Variants in NCKAP5 observed in about 807,000 individuals in gnomAD.
NCKAP5 encodes nck-associated protein 5.
Under a neutral mutation model 167.0 loss-of-function variants are expected in NCKAP5, and 92 were observed. The observed-to-expected ratio is 0.55, with a 90% CI of 0.47 to 0.66. The LOEUF (loss-of-function observed/expected upper bound fraction) is 0.66, where lower values mean the gene tolerates loss of function less well. Among genes scored for constraint, NCKAP5 ranks in the 30% least tolerant of loss-of-function variants. NCKAP5 has a pLI of 0.00. For missense variants in NCKAP5, 2,378 were observed against 2,315.0 expected (o/e 1.03, Z -0.56); for synonymous variants, 891 against 877.4 (o/e 1.02, Z -0.27).
chr2:132,920,659 T>TTATA (rs371454572), intron 8 of NCKAP5, among the ~76,000 whole-genome samples: 4,678 of 81,862 alleles, frequency 0.057, 400 homozygotes, highest in Admixed American at 0.094. Flanking sequence ...ATGGAAGAAC[T>TTATA]TATATATATA....
intron 6 of NCKAP5, among the ~76,000 whole-genome samples, chr2:133,012,829 AC>A (rs1280743673): frequency 6.6e-6 from 1 of 151,590 alleles, no homozygotes; most frequent in Non-Finnish European, 1.5e-5. Flanking sequence ...AGATTTCCAA[AC>A]CTAAATCTCC....
chr2:132,698,678 C>CA (rs1224487720), intron 19 of NCKAP5, among the ~76,000 whole-genome samples: 1 of 151,956 alleles, frequency 6.6e-6, no homozygotes, highest in African/African-American at 2.4e-5. Context: ...ACTAAAAATA[C>CA]AAAAAATTAG....
intron 3 of NCKAP5, among the ~76,000 whole-genome samples, chr2:133,378,136 C>T (rs977374308): frequency 5.9e-5 from 9 of 152,080 alleles, no homozygotes; most frequent in Non-Finnish European, 8.8e-5. Flanking sequence ...CTATTAACCT[C>T]GTGATTTCTA....
At chr2:132,748,194 A>G (rs927710263) in intron 16 of NCKAP5, among the ~76,000 whole-genome samples, 2 of 152,156 alleles carry the variant, frequency 1.3e-5, no homozygotes, top group African/African-American at 4.8e-5. Context: ...ACACACTCCC[A>G]TGTCTAAGGG....
At chr2:133,613,764 G>C in the NCKAP5 span, among the ~76,000 whole-genome samples, 1 of 152,142 alleles carries the variant, frequency 6.6e-6, no homozygotes, top group African/African-American at 2.4e-5. Context: ...TGGTCCCGTA[G>C]TCCCTTCACC....
rs1691039690 is a variant in NCKAP5 at position 132,731,842 on chromosome 2, G to A, written c.5338C>T (p.Gln1780Ter). ...ACAATGGCGCTATCTGCAGGGCGCT[G>A]GCCGTCTGTGGAGGAAGGCACTTCA... ...EREVPSSTDG[Q>*]RPADSAIVHS... The change falls in exon 17 of 20, where the codon CAG (glutamine) becomes TAG (stop). Residue 1780 changes from glutamine (Q) to a stop codon, truncating the protein, a stop_gained. Transcript: ENST00000409261. LOFTEE classifies it high-confidence loss of function. 1 of 1,613,824 alleles carries A rather than the reference G, an allele frequency of 6.2e-7. No homozygotes were observed. Among genetic ancestry groups the A allele is most frequent in the Non-Finnish European group, 8.5e-7 (1 of 1,179,888 alleles).
At chr2:132,729,809 C>A (rs1690812802) in intron 17 of NCKAP5, among the ~76,000 whole-genome samples, 1 of 152,136 alleles carries the variant, frequency 6.6e-6, no homozygotes, top group African/African-American at 2.4e-5. Flanking sequence ...GCTGTGACAG[C>A]CTCTCCAGAG....
intron 6 of NCKAP5, among the ~76,000 whole-genome samples, chr2:133,062,889 T>C (rs977627057): frequency 2.6e-5 from 4 of 152,168 alleles, no homozygotes; most frequent in Admixed American, 1.3e-4. Flanking sequence ...ATTGATTTCA[T>C]GGGAAAAAAA....
chr2:133,222,909 T>C (rs1165232733), intron 4 of NCKAP5, among the ~76,000 whole-genome samples: 8 of 152,226 alleles, frequency 5.3e-5, no homozygotes, highest in Non-Finnish European at 8.8e-5. Context: ...CTGTCTCTAC[T>C]GCCAGTGAGG....
intron 4 of NCKAP5, among the ~76,000 whole-genome samples, chr2:133,219,800 T>C (rs2086584384): frequency 6.6e-6 from 1 of 152,162 alleles, no homozygotes. Flanking sequence ...AGTGGTGAAG[T>C]TCTTGACATG....
rs567879680 is a variant in NCKAP5, at chr2:133,459,471, T to C, written c.69+57987A>G. Among the ~76,000 whole-genome samples the C allele has an allele frequency of 2.0e-5, 3 of 152,298 alleles. No homozygotes were observed. The South Asian group carries it at 6.2e-4, about 32-fold the overall frequency. ...AGAGGAGGCTCATTTAGTCCAGGCCTTCCTTTCACCCATAGTCCCAAAGGT... is the reference window on the plus strand; with the variant it reads ...AGAGGAGGCTCATTTAGTCCAGGCCCTCCTTTCACCCATAGTCCCAAAGGT... On this transcript the variant is annotated intron_variant, in intron 3 of 19. Transcript: ENST00000409261.
At chr2:133,211,886 AG>A (rs1343206989) in intron 5 of NCKAP5, among the ~76,000 whole-genome samples, 2 of 152,188 alleles carry the variant, frequency 1.3e-5, no homozygotes, top group Non-Finnish European at 1.5e-5. Flanking sequence ...TGTTTTAAAA[AG>A]GGGTTTTGTC....
intron 6 of NCKAP5, among the ~76,000 whole-genome samples, chr2:133,019,993 T>C (rs1359946888): frequency 6.6e-6 from 1 of 152,260 alleles, no homozygotes; most frequent in East Asian, 1.9e-4. Flanking sequence ...CACTGGCCAG[T>C]TGTTACCTCC....
At chr2:133,483,510 GGT>G (rs757896678) in intron 3 of NCKAP5, among the ~76,000 whole-genome samples, 8 of 151,718 alleles carry the variant, frequency 5.3e-5, no homozygotes, top group Non-Finnish European at 1.2e-4. Context: ...ACCCTCCTTG[GGT>G]GTGTGTGTTT....
At chr2:132,794,253 TATATATATATAGAGAGAG>T (rs1193028986) in intron 12 of NCKAP5, among the ~76,000 whole-genome samples, 46 of 55,112 alleles carry the variant, frequency 8.3e-4, no homozygotes, top group African/African-American at 3.2e-3. Context: ...TATATATATA[TATATATATATAGAGAGAG>T]AGAGAGAGAG....
intron 3 of NCKAP5, among the ~76,000 whole-genome samples, chr2:133,482,109 G>T (rs1680501324): frequency 6.6e-6 from 1 of 151,984 alleles, no homozygotes; most frequent in African/African-American, 2.4e-5. Flanking sequence ...TTTCACTCAA[G>T]ATAATAACTT....
rs1306167351 is a variant in NCKAP5, at chr2:133,221,745, A to AT, written c.144-7967dup. ...GAAGGCACTTTCTGCTATTTCTAAGATTTTTTCAATTTCAGACTTTTCAGC... is the reference window on the plus strand; with the variant it reads ...GAAGGCACTTTCTGCTATTTCTAAGATTTTTTTCAATTTCAGACTTTTCAGC... On this transcript the variant is annotated intron_variant, in intron 4 of 19. Coordinates refer to ENST00000409261, the MANE Select transcript of NCKAP5 (RefSeq NM_207363.3). Among the ~76,000 whole-genome samples the AT allele has an allele frequency of 3.3e-5, 5 of 152,204 alleles. No homozygotes were observed. The East Asian group carries it at 5.8e-4, about 18-fold the overall frequency.
At chr2:132,767,201 G>A (rs1295838632) in intron 16 of NCKAP5, among the ~76,000 whole-genome samples, 1 of 152,064 alleles carries the variant, frequency 6.6e-6, no homozygotes, top group African/African-American at 2.4e-5. Context: ...CCAGTACCAA[G>A]TGTCCCAAAC....
At chr2:133,463,539 T>C (rs965716402) in intron 3 of NCKAP5, among the ~76,000 whole-genome samples, 1 of 152,218 alleles carries the variant, frequency 6.6e-6, no homozygotes, top group African/African-American at 2.4e-5. Context: ...TATGTAATCA[T>C]TGAAGGCATG....
Sources: allele counts gnomAD v4.1 joint callset (sites outside exome capture counted in the v4.1 genomes callset), GRCh38; gene constraint gnomAD v4.1.1; transcripts MANE v1.5; gene names NCBI Gene and HGNC (gene_info 2026-07-23, HGNC 2026-07-21).